Variants in KATNAL2 observed in about 807,000 individuals in gnomAD.
The protein encoded by KATNAL2 is katanin p60 ATPase-containing subunit A-like 2.
A neutral mutation model predicts 76.3 loss-of-function variants in KATNAL2; 52 were observed. That is an observed-to-expected ratio of 0.68 (90% CI 0.55 to 0.86). The LOEUF (loss-of-function observed/expected upper bound fraction) is 0.86. Among genes scored for constraint, KATNAL2 ranks in the 40% least tolerant of loss-of-function variants. The pLI, the probability that KATNAL2 is intolerant of heterozygous loss-of-function variation, is 0.00. For missense variants in KATNAL2, 660 were observed against 668.9 expected (o/e 0.99, Z 0.15); for synonymous variants, 243 against 244.2 (o/e 1.00, Z 0.05).
chr18:47,069,182 T>C (rs2061912685), intron 11 of KATNAL2, 38 bp from the exon 12 acceptor site: 1 of 1,458,392 alleles, frequency 6.9e-7, no homozygotes, highest in Non-Finnish European at 9.6e-7. Context: ...GGCTGATGTG[T>C]TGGTACCAAA....
chr18:47,037,358 A>T (rs1423600163), intron 3 of KATNAL2, among the ~76,000 whole-genome samples: 1 of 152,220 alleles, frequency 6.6e-6, no homozygotes, highest in Non-Finnish European at 1.5e-5. Flanking sequence ...AAATGAAAGA[A>T]AACAAAAACA....
intron 6 of KATNAL2, among the ~76,000 whole-genome samples, chr18:47,055,580 G>C (rs922491718): frequency 1.3e-5 from 2 of 152,188 alleles, no homozygotes; most frequent in African/African-American, 4.8e-5. Flanking sequence ...GGCTACCTTT[G>C]CTTTGTGCTA....
intron 8 of KATNAL2, among the ~76,000 whole-genome samples, chr18:47,062,693 A>C (rs1209929879): frequency 1.3e-5 from 2 of 152,196 alleles, no homozygotes; most frequent in Non-Finnish European, 2.9e-5. Context: ...TCAACATATA[A>C]GGGAGGAAGC....
chr18:47,080,982 T>C lies in KATNAL2; in HGVS notation c.1211+3521T>C, dbSNP rs539681972. ...TTTCTCCCATTCTGTAGCCCTTCCT[T>C]CCTTCCTCCCTCCCTCCTTCCTTCC... is the stretch of plus-strand genomic sequence containing the variant. On this transcript the variant is annotated intron_variant, in intron 15 of 17. Transcript: ENST00000683218. Among the ~76,000 whole-genome samples the C allele has an allele frequency of 4.8e-4, 72 of 151,528 alleles. 2 individuals carry two copies. In the East Asian group the frequency reaches 0.014, roughly 29 times the overall value.
At chr18:46,953,189 C>T (rs535577170) in intron 3 of KATNAL2, among the ~76,000 whole-genome samples, 30 of 152,244 alleles carry the variant, frequency 2.0e-4, no homozygotes, top group East Asian at 5.8e-4. Context: ...CCACCGCTCC[C>T]GGCACCTTCC....
chr18:47,083,494 C>T (rs2062626899), intron 15 of KATNAL2, among the ~76,000 whole-genome samples: 1 of 152,148 alleles, frequency 6.6e-6, no homozygotes, highest in Non-Finnish European at 1.5e-5. Flanking sequence ...TTTCTCTAGA[C>T]ACATAGATTC....
At chr18:47,045,218 T>TA (rs766655491) in intron 3 of KATNAL2, among the ~76,000 whole-genome samples, 28 of 152,302 alleles carry the variant, frequency 1.8e-4, no homozygotes, top group Non-Finnish European at 1.8e-4. Context: ...TTCAAATATT[T>TA]ATATGCATAT....
At chr18:47,088,225 T>C (rs1484261047) in intron 15 of KATNAL2, among the ~76,000 whole-genome samples, 1 of 152,216 alleles carries the variant, frequency 6.6e-6, no homozygotes, top group Non-Finnish European at 1.5e-5. Flanking sequence ...TTCTCCTGCA[T>C]TCTATTGGGA....
intron 1 of KATNAL2, among the ~76,000 whole-genome samples, chr18:46,923,774 G>C (rs1172141166): frequency 2.0e-5 from 3 of 152,170 alleles, no homozygotes; most frequent in Non-Finnish European, 4.4e-5. Flanking sequence ...ATTCTAACTG[G>C]TGGGAGATGG....
chr18:47,043,448 G>C (rs889686394), intron 3 of KATNAL2, among the ~76,000 whole-genome samples: 3 of 152,082 alleles, frequency 2.0e-5, no homozygotes, highest in Non-Finnish European at 2.9e-5. Flanking sequence ...TGTTGCTTTG[G>C]TAATTTACGA....
intron 3 of KATNAL2, among the ~76,000 whole-genome samples, chr18:47,032,184 G>A (rs889145254): frequency 7.2e-5 from 11 of 152,188 alleles, no homozygotes; most frequent in African/African-American, 2.7e-4. Flanking sequence ...AAACTATTTT[G>A]GCTTAACGCA....
intron 11 of KATNAL2, 134 bp from the exon 12 acceptor site, chr18:47,069,086 C>A (rs2061909193): frequency 7.9e-6 from 5 of 631,310 alleles, no homozygotes; most frequent in Middle Eastern, 2.5e-4. Context: ...AAGCAGACAA[C>A]CTTAAGCAAA....
chr18:46,949,071 G>GT (rs2059471413), intron 3 of KATNAL2, among the ~76,000 whole-genome samples: 3 of 151,586 alleles, frequency 2.0e-5, no homozygotes, highest in Admixed American at 2.0e-4. Flanking sequence ...TAATTTTTCT[G>GT]TATATTTAGT....
At chr18:46,941,366 C>A (rs1274963165) in intron 1 of KATNAL2, among the ~76,000 whole-genome samples, 1 of 151,936 alleles carries the variant, frequency 6.6e-6, no homozygotes, top group East Asian at 1.9e-4. Context: ...CAAACAAAAG[C>A]CCATTCAGAA....
At chr18:46,943,147 C>G (rs1405858673) in intron 1 of KATNAL2, among the ~76,000 whole-genome samples, 2 of 152,072 alleles carry the variant, frequency 1.3e-5, no homozygotes, top group African/African-American at 4.8e-5. Flanking sequence ...TGTATGGTCT[C>G]ATAGACTCTC....
intron 1 of KATNAL2, among the ~76,000 whole-genome samples, chr18:46,932,549 C>T (rs2058959862): frequency 6.6e-6 from 1 of 150,922 alleles, no homozygotes; most frequent in Admixed American, 6.6e-5. Context: ...TGCTGTGCGC[C>T]TGTATGCACC....
chr18:46,956,499 C>T (rs1285774183), intron 3 of KATNAL2, among the ~76,000 whole-genome samples: 1 of 152,038 alleles, frequency 6.6e-6, no homozygotes, highest in Non-Finnish European at 1.5e-5. Context: ...CTTTTCTGAC[C>T]AGCCCCTTTA....
At chr18:46,930,828 C>T (rs888136874) in intron 1 of KATNAL2, among the ~76,000 whole-genome samples, 49 of 149,128 alleles carry the variant, frequency 3.3e-4, no homozygotes, top group Middle Eastern at 3.5e-3. Flanking sequence ...ATAGGCCAGG[C>T]GCAGTGGTTC....
chr18:46,949,674 T>C (rs1245049507), intron 3 of KATNAL2, among the ~76,000 whole-genome samples: 1 of 152,222 alleles, frequency 6.6e-6, no homozygotes, highest in Non-Finnish European at 1.5e-5. Context: ...GGGTTATCCT[T>C]AGCTCCTTCT....
Sources: allele counts gnomAD v4.1 joint callset (sites outside exome capture counted in the v4.1 genomes callset), GRCh38; gene constraint gnomAD v4.1.1; transcripts MANE v1.5; gene names NCBI Gene and HGNC (gene_info 2026-07-23, HGNC 2026-07-21).